Variants in DNAH10 observed in about 807,000 individuals in gnomAD.
The protein encoded by DNAH10 is dynein axonemal heavy chain 10.
Under a neutral mutation model 506.6 loss-of-function variants are expected in DNAH10, and 348 were observed. That is an observed-to-expected ratio of 0.69 (90% confidence interval 0.63 to 0.75). The LOEUF (loss-of-function observed/expected upper bound fraction) is 0.75, where lower values mean the gene tolerates loss of function less well. Ranked by LOEUF, DNAH10 falls within the 30% of genes least tolerant of loss-of-function variation. The probability of loss-of-function intolerance (pLI) is 0.00; values close to 1 mark genes in which losing one functional copy is unlikely to be tolerated. For missense variants in DNAH10, 5,179 were observed against 5,787.1 expected, an observed-to-expected ratio of 0.89 and a Z score of 3.41; for synonymous variants, 2,059 against 2,198.6, an observed-to-expected ratio of 0.94 and a Z score of 1.78.
chr12:123,809,823 C>T (rs111233055), intron 19 of DNAH10, among the ~76,000 whole-genome samples: 4 of 152,136 alleles, frequency 2.6e-5, no homozygotes, highest in African/African-American at 7.2e-5. Context: ...CTCAGTCCTA[C>T]GAGGATCATG....
At chr12:123,867,165 A>G (rs1951844080) in intron 41 of DNAH10, among the ~76,000 whole-genome samples, 1 of 151,716 alleles carries the variant, frequency 6.6e-6, no homozygotes. Flanking sequence ...GGTCACTTGA[A>G]CTCTAAGATG....
At chr12:123,801,563 C>A in intron 16 of DNAH10, 131 bp downstream of exon 16, 1 of 1,168,286 alleles carries the variant, frequency 8.6e-7, no homozygotes, top group Non-Finnish European at 1.2e-6. Context: ...TTAAGAAATA[C>A]AAGTTGCGGA....
At chr12:123,898,554 T>A (rs1953362388) in intron 55 of DNAH10, 99 bp from the exon 56 acceptor site, 1 of 1,369,062 alleles carries the variant, frequency 7.3e-7, no homozygotes, top group East Asian at 2.8e-5. Flanking sequence ...TAAAAATGTT[T>A]TGTTTTGTTT....
At chr12:123,875,600 C>A in intron 47 of DNAH10, 109 bp downstream of exon 47, 1 of 1,261,138 alleles carries the variant, frequency 7.9e-7, no homozygotes, top group South Asian at 1.4e-5. Flanking sequence ...GCCCTCAATA[C>A]TTTTAAGGGC....
intron 27 of DNAH10, among the ~76,000 whole-genome samples, chr12:123,834,214 A>C (rs1013028165): frequency 6.6e-6 from 1 of 152,048 alleles, no homozygotes; most frequent in South Asian, 2.1e-4. Flanking sequence ...TGAGTAAAAA[A>C]CAATTTTTTT....
intron 5 of DNAH10, among the ~76,000 whole-genome samples, chr12:123,776,681 G>T (rs1323869611): frequency 6.6e-6 from 1 of 151,610 alleles, no homozygotes; most frequent in Non-Finnish European, 1.5e-5. Flanking sequence ...ATCAAAACAT[G>T]ATGTATAATG....
chr12:123,842,720 T>G (rs186685247), intron 30 of DNAH10, among the ~76,000 whole-genome samples: 1 of 152,304 alleles, frequency 6.6e-6, no homozygotes, highest in African/African-American at 2.4e-5. Flanking sequence ...CTGGAAAAAA[T>G]TTTTTTAAAG....
chr12:123,899,519 G>A (rs1953420408), intron 56 of DNAH10, among the ~76,000 whole-genome samples: 1 of 152,070 alleles, frequency 6.6e-6, no homozygotes, highest in African/African-American at 2.4e-5. Flanking sequence ...CATTGCACCC[G>A]GCCCTGTGCA....
intron 5 of DNAH10, among the ~76,000 whole-genome samples, chr12:123,776,816 A>C (rs750347838): frequency 2.6e-5 from 4 of 152,180 alleles, no homozygotes; most frequent in Non-Finnish European, 5.9e-5. Flanking sequence ...ACTGTATTTC[A>C]TAGCAATGAA....
chr12:123,921,063 G>A (rs755035931), intron 65 of DNAH10, among the ~76,000 whole-genome samples: 4 of 152,108 alleles, frequency 2.6e-5, no homozygotes, highest in Non-Finnish European at 4.4e-5. Flanking sequence ...ATAAGCCACC[G>A]TGTCTGCCCC....
chr12:123,860,258 T>C (rs914543992), intron 38 of DNAH10, among the ~76,000 whole-genome samples: 1 of 152,262 alleles, frequency 6.6e-6, no homozygotes, highest in African/African-American at 2.4e-5. Context: ...GTCTGTCATA[T>C]GTTCCCATTA....
chr12:123,896,176 G>GAA (rs1953234249), intron 54 of DNAH10, among the ~76,000 whole-genome samples: 1 of 151,186 alleles, frequency 6.6e-6, no homozygotes, highest in Non-Finnish European at 1.5e-5. Flanking sequence ...GAGAGAGAGA[G>GAA]AGAGAGAGAG....
At chr12:123,867,847 T>G in intron 42 of DNAH10, 56 bp from the exon 43 acceptor site, 1 of 1,541,626 alleles carries the variant, frequency 6.5e-7, no homozygotes, top group Non-Finnish European at 8.8e-7. Flanking sequence ...ATGACTGGAA[T>G]GGACTCTGTG....
intron 5 of DNAH10, among the ~76,000 whole-genome samples, chr12:123,776,751 T>C (rs1268760801): frequency 1.3e-5 from 2 of 152,212 alleles, no homozygotes; most frequent in Non-Finnish European, 2.9e-5. Context: ...TGTATGAATC[T>C]GGAGCTCTGC....
intron 77 of DNAH10, 125 bp downstream of exon 77, chr12:123,933,636 C>A: frequency 8.9e-7 from 1 of 1,117,474 alleles, no homozygotes; most frequent in Non-Finnish European, 1.2e-6. Flanking sequence ...GAAAGCCAGC[C>A]TGCTGCAAAT....
intron 25 of DNAH10, among the ~76,000 whole-genome samples, chr12:123,829,062 C>A (rs111557837): frequency 3.3e-5 from 5 of 152,108 alleles, no homozygotes; most frequent in Non-Finnish European, 7.4e-5. Flanking sequence ...ATGGGTTTTG[C>A]GAAACAGATT....
intron 18 of DNAH10, among the ~76,000 whole-genome samples, chr12:123,808,195 G>A (rs1958785388): frequency 6.6e-6 from 1 of 152,100 alleles, no homozygotes; most frequent in South Asian, 2.1e-4. Flanking sequence ...ACTATGCCCA[G>A]CTAATTTATT....
chr12:123,923,970 A>G lies in DNAH10; in HGVS notation c.11611+103A>G, dbSNP rs1258649204. The G allele has an allele frequency of 4.3e-6, 4 of 930,850 alleles. No homozygotes were observed. The African/African-American group carries it at 6.7e-5, about 16-fold the overall frequency. 57.7% of individuals were successfully genotyped at this position (930,850 alleles called of 1,614,324 possible). On this transcript the variant is annotated intron_variant, in intron 66 of 78. Coordinates refer to ENST00000673944, the MANE Select transcript of DNAH10 (RefSeq NM_001372106.1). Reference sequence around the variant, plus strand: ...AAACAATAACAAAAATTCTCCTTAAAACTTGGCTTCCAACAGCACTGCATT... The same window carrying G: ...AAACAATAACAAAAATTCTCCTTAAGACTTGGCTTCCAACAGCACTGCATT...
Position 123,914,995 on chromosome 12 carries a change from T to A in DNAH10, c.10718T>A (p.Leu3573Gln). 2 of 1,605,986 alleles carry A rather than the reference T, an allele frequency of 1.2e-6. No individual in the cohort carries two copies. Among genetic ancestry groups the A allele is most frequent in the Non-Finnish European group, 1.7e-6 (2 of 1,176,440 alleles). ...AAGAGAAAAGAGGAGAAGAACAATCTGCGGGTATGGTGGCTCCTCCCAGGG... is the reference window on the plus strand; with the variant it reads ...AAGAGAAAAGAGGAGAAGAACAATCAGCGGGTATGGTGGCTCCTCCCAGGG... ...WIKRKEEKNN[L>Q]RVASFNDPDF... is the part of the protein sequence containing the mutation. The change falls in exon 62 of 79, where the codon CTG becomes CAG. Residue 3573 changes from leucine (L) to glutamine (Q), a missense_variant. Transcript: ENST00000673944.
Sources: allele counts gnomAD v4.1 joint callset (sites outside exome capture counted in the v4.1 genomes callset), GRCh38; gene constraint gnomAD v4.1.1; transcripts MANE v1.5; gene names NCBI Gene and HGNC (gene_info 2026-07-23, HGNC 2026-07-21).